The following ARL10 variants were observed in gnomAD, a reference collection of about 807,000 sequenced individuals.
The protein encoded by ARL10 is ARF like GTPase 10.
In ARL10, 23 loss-of-function variants were observed where a neutral mutation model predicts 26.1. The observed-to-expected ratio is 0.88, with a 90% CI of 0.63 to 1.25. The LOEUF (loss-of-function observed/expected upper bound fraction) is 1.25, where lower values mean the gene tolerates loss of function less well. Ranked by LOEUF, ARL10 falls within the 50% of genes most tolerant of loss-of-function variation. ARL10 has a pLI of 0.00. For missense variants in ARL10, 300 were observed against 323.6 expected (o/e 0.93, Z 0.56); for synonymous variants, 138 against 149.1 (o/e 0.93, Z 0.54).
chr5:176,371,193 G>A (rs1434300160), intron 3 of ARL10, among the ~76,000 whole-genome samples: 5 of 152,148 alleles, frequency 3.3e-5, no homozygotes, highest in African/African-American at 7.2e-5. Flanking sequence ...TGGCCAGCAC[G>A]GCGAAACCCC....
rs188680498 is a variant in ARL10, at chr5:176,394,676, A to G, written c.134-7065A>G. Among the ~76,000 whole-genome samples the G allele has an allele frequency of 7.6e-3, 1,163 of 152,190 alleles. 8 individuals are homozygous for G. Among genetic ancestry groups the G allele is most frequent in the African/African-American group, 0.022 (898 of 41,510 alleles). On this transcript the variant is annotated intron_variant, in intron 1 of 1. Transcript: ENST00000514533. Reference sequence around the variant, plus strand: ...AAAAAATACACAAAATTAGCCGGGCATGGTGGCGGGCACCTGTAGTCCCAG... The same window carrying G: ...AAAAAATACACAAAATTAGCCGGGCGTGGTGGCGGGCACCTGTAGTCCCAG...
intron 3 of ARL10, 21 bp from the exon 4 acceptor site, chr5:176,371,701 G>A (rs751463291): frequency 4.2e-5 from 67 of 1,610,512 alleles, no homozygotes; most frequent in South Asian, 3.0e-4. Context: ...AGCTGTGTTC[G>A]GACTTCTGTG....
chr5:176,404,625 GT>G (rs1444107281), downstream of ARL10, among the ~76,000 whole-genome samples: 4 of 152,292 alleles, frequency 2.6e-5, no homozygotes, highest in African/African-American at 9.6e-5. Flanking sequence ...CAGTCCCAAG[GT>G]GCCAAGCCTG....
At chr5:176,371,064 G>A (rs1768511871) in intron 3 of ARL10, among the ~76,000 whole-genome samples, 1 of 152,178 alleles carries the variant, frequency 6.6e-6, no homozygotes, top group Non-Finnish European at 1.5e-5. Context: ...TATCTACAAT[G>A]CTTGACACAT....
At chr5:176,413,822 G>T in the ARL10 span, among the ~76,000 whole-genome samples, 2 of 152,170 alleles carry the variant, frequency 1.3e-5, no homozygotes, top group African/African-American at 2.4e-5. Flanking sequence ...CCTGCTCCCC[G>T]ATCCAACTAA....
intron 3 of ARL10, among the ~76,000 whole-genome samples, chr5:176,370,131 G>A (rs1177800611): frequency 6.6e-6 from 1 of 152,146 alleles, no homozygotes; most frequent in East Asian, 1.9e-4. Context: ...CTTACGGTGT[G>A]CCATACATGT....
chr5:176,370,589 C>T (rs765367800), intron 3 of ARL10, among the ~76,000 whole-genome samples: 4 of 152,164 alleles, frequency 2.6e-5, no homozygotes, highest in Non-Finnish European at 5.9e-5. Flanking sequence ...TCCCCATTTA[C>T]GACTCTTGTT....
At chr5:176,386,749 C>T, downstream of ARL10, 4 of 1,131,346 alleles carry the variant, frequency 3.5e-6, no homozygotes, top group Non-Finnish European at 5.4e-6. Flanking sequence ...AACTTGGTTT[C>T]TCCATCTGCA....
chr5:176,395,512 C>T (rs1000856645), intron 1 of ARL10, among the ~76,000 whole-genome samples: 4 of 152,226 alleles, frequency 2.6e-5, no homozygotes, highest in South Asian at 2.1e-4. Flanking sequence ...CGACACATGA[C>T]GGGCTGCCAG....
In ARL10 at chr5:176,366,541, G is replaced by C. The variant is rs1463870666; in HGVS notation, c.345G>C (p.Val115=). ...GHIPTWGFNS[V]RLPTKDFEVD... Reference sequence around the variant, plus strand: ...TCCCCACCTGGGGCTTCAACTCCGTGCGTCTGCCCACCAAGGACTTTGAGG... The same window carrying C: ...TCCCCACCTGGGGCTTCAACTCCGTCCGTCTGCCCACCAAGGACTTTGAGG... The change falls in exon 2 of 4, where the codon GTG becomes GTC. Residue 115 remains valine (V), a synonymous_variant. Coordinates refer to ENST00000310389, the MANE Select transcript of ARL10 (RefSeq NM_173664.6). 1.7e-5 allele frequency: 27 copies of C among 1,614,148 alleles called. No individual in the cohort carries two copies. The highest frequency in any genetic ancestry group is 2.3e-5 in the Non-Finnish European group (27 of 1,180,034).
intron 3 of ARL10, among the ~76,000 whole-genome samples, chr5:176,370,775 A>G (rs1457229530): frequency 6.6e-6 from 1 of 152,226 alleles, no homozygotes; most frequent in Non-Finnish European, 1.5e-5. Context: ...ATCTTGGGCC[A>G]GGGTTGAAAT....
At chr5:176,397,687 C>G in intron 1 of ARL10, 1 of 1,613,934 alleles carries the variant, frequency 6.2e-7, no homozygotes, top group Non-Finnish European at 8.5e-7. Context: ...CCTTCTCCCG[C>G]CATTCCTGTT....
downstream of ARL10, chr5:176,386,815 A>G (rs371095698): frequency 5.6e-6 from 9 of 1,605,360 alleles, no homozygotes; most frequent in Non-Finnish European, 7.7e-6. Context: ...ACAGTGACCT[A>G]AAGGAATATA....
chr5:176,413,754 G>C, the ARL10 span, among the ~76,000 whole-genome samples: 2 of 152,216 alleles, frequency 1.3e-5, no homozygotes, highest in Non-Finnish European at 2.9e-5. Flanking sequence ...AGGCTGAGAA[G>C]GTCAGATCAA....
downstream of ARL10, chr5:176,386,204 C>T (rs1387742426): frequency 6.5e-6 from 1 of 154,646 alleles, no homozygotes; most frequent in Non-Finnish European, 1.4e-5. Context: ...TAAAAATGTT[C>T]CTCTTTGACT....
At chr5:176,403,974 G>T (rs1581436439), downstream of ARL10, among the ~76,000 whole-genome samples, 1 of 151,040 alleles carries the variant, frequency 6.6e-6, no homozygotes, top group South Asian at 2.1e-4. Flanking sequence ...TGTCCAGGCT[G>T]GTCTCAAACT....
chr5:176,380,186 A>G lies in ARL10; in HGVS notation c.*8291A>G, dbSNP rs1414968138. The G allele has an allele frequency of 6.6e-6, 1 of 152,236 alleles. No individual in the cohort carries two copies. Among genetic ancestry groups the G allele is most frequent in the African/African-American group, 2.4e-5 (1 of 41,458 alleles). 9.4% of individuals were successfully genotyped at this position (152,236 alleles called of 1,614,324 possible). ...AAGCATCGAGGCAAAGAAGAGACAG[A>G]GAAGGAGCAATCCAGGTTCATGTGC... On this transcript the variant is annotated 3_prime_UTR_variant, in exon 4 of 4. Transcript: ENST00000310389.
chr5:176,388,815 C>T (rs776069522), downstream of ARL10: 7 of 1,612,852 alleles, frequency 4.3e-6, no homozygotes, highest in African/African-American at 9.4e-5. Context: ...TGCTGTGGCC[C>T]GGACATGGCG....
At chr5:176,403,979 C>A (rs187923258), downstream of ARL10, among the ~76,000 whole-genome samples, 357 of 151,590 alleles carry the variant, frequency 2.4e-3, no homozygotes, top group African/African-American at 8.3e-3. Flanking sequence ...AGGCTGGTCT[C>A]AAACTCCTGG....
Sources: allele counts gnomAD v4.1 joint callset (sites outside exome capture counted in the v4.1 genomes callset), GRCh38; gene constraint gnomAD v4.1.1; transcripts MANE v1.5; gene names NCBI Gene and HGNC (gene_info 2026-07-23, HGNC 2026-07-21).